The following ELMO1 variants were observed in gnomAD, a reference collection of about 807,000 sequenced individuals.
ELMO1 encodes the protein engulfment and cell motility 1.
Under a neutral mutation model 98.9 loss-of-function variants are expected in ELMO1, and 26 were observed. The observed-to-expected ratio is 0.26, with a 90% CI of 0.19 to 0.36. ELMO1 has a LOEUF of 0.36. Ranked by LOEUF, ELMO1 falls within the 10% of genes least tolerant of loss-of-function variation. ELMO1 has a pLI of 1.00. For missense variants in ELMO1, 627 were observed against 935.2 expected (o/e 0.67, Z 4.30); for synonymous variants, 346 against 346.0 (o/e 1.00, Z 0.00).
intron 4 of ELMO1, among the ~76,000 whole-genome samples, chr7:37,312,574 C>A (rs1562603997): frequency 6.6e-6 from 1 of 152,186 alleles, no homozygotes. Context: ...CCAAGTCCCA[C>A]TCACTCTGAG....
intron 6 of ELMO1, among the ~76,000 whole-genome samples, chr7:37,257,243 C>A (rs1310723489): frequency 6.6e-6 from 1 of 152,226 alleles, no homozygotes; most frequent in Non-Finnish European, 1.5e-5. Context: ...CATGATGGAA[C>A]TCCAACTCCC....
chr7:36,894,667 C>A (rs1805843367), intron 17 of ELMO1, among the ~76,000 whole-genome samples, 187 bp downstream of exon 17: 1 of 152,204 alleles, frequency 6.6e-6, no homozygotes, highest in African/African-American at 2.4e-5. Context: ...CTGGCCCACT[C>A]CACTCAGCCC....
At chr7:37,064,838 A>G (rs531036513) in intron 15 of ELMO1, among the ~76,000 whole-genome samples, 2 of 152,182 alleles carry the variant, frequency 1.3e-5, no homozygotes, top group East Asian at 1.9e-4. Flanking sequence ...ATCTGTATTC[A>G]GATATGCTCA....
chr7:37,068,640 T>C (rs1221507370), intron 15 of ELMO1, among the ~76,000 whole-genome samples: 4 of 152,192 alleles, frequency 2.6e-5, no homozygotes, highest in African/African-American at 9.7e-5. Flanking sequence ...CTCAGACTTA[T>C]ATAACTGAGA....
intron 16 of ELMO1, among the ~76,000 whole-genome samples, chr7:36,896,214 A>G (rs762977609): frequency 6.6e-6 from 1 of 152,224 alleles, no homozygotes; most frequent in Non-Finnish European, 1.5e-5. Context: ...AGGTGCTAGT[A>G]TCACTATGTA....
intron 2 of ELMO1, among the ~76,000 whole-genome samples, chr7:37,333,102 C>G (rs1800221743): frequency 6.6e-6 from 1 of 152,176 alleles, no homozygotes; most frequent in Admixed American, 6.5e-5. Context: ...GAACAAGAAA[C>G]TAGAAAAGCA....
intron 4 of ELMO1, among the ~76,000 whole-genome samples, chr7:37,293,516 G>A (rs1797863073): frequency 9.5e-6 from 1 of 105,634 alleles, no homozygotes; most frequent in Non-Finnish European, 2.2e-5. Context: ...GATGCTTGAA[G>A]GCAGCATGCT....
intron 1 of ELMO1, among the ~76,000 whole-genome samples, chr7:37,387,906 A>C (rs563421812): frequency 6.6e-6 from 1 of 152,244 alleles, no homozygotes; most frequent in East Asian, 1.9e-4. Context: ...ATCACAGCAC[A>C]CTGCAGCCTT....
chr7:37,293,022 C>G lies in ELMO1; in HGVS notation c.193-21140G>C, dbSNP rs1260108753. On this transcript the variant is annotated intron_variant, in intron 4 of 21. Coordinates refer to ENST00000310758, the MANE Select transcript of ELMO1 (RefSeq NM_014800.11). ...GTGAGGAGCCACTCTGCCCAGCCAG[C>G]CGCCCCGTCCGGGAGGGAGGTGGGG... Among the ~76,000 whole-genome samples the G allele has an allele frequency of 1.4e-4, 8 of 56,504 alleles. 2 individuals are homozygous for G. The highest frequency in any genetic ancestry group is 4.1e-4 in the African/African-American group (8 of 19,678). The allele number at this position is 56,504 out of a possible 152,430, so 37.1% of individuals were successfully genotyped here. A position where few individuals can be genotyped will look rare whatever the true frequency, so the allele number is the denominator to read the frequency against.
At chr7:37,050,460 T>C (rs1796039332) in intron 15 of ELMO1, among the ~76,000 whole-genome samples, 1 of 152,130 alleles carries the variant, frequency 6.6e-6, no homozygotes, top group Non-Finnish European at 1.5e-5. Context: ...GAATTAGCCA[T>C]TCCCCTGCTA....
chr7:36,901,826 G>T (rs144069660), intron 16 of ELMO1, among the ~76,000 whole-genome samples: 417 of 152,252 alleles, frequency 2.7e-3, no homozygotes, highest in African/African-American at 9.4e-3. Flanking sequence ...CTCGCAGCTT[G>T]CAAACAACTT....
chr7:37,221,483 T>C (rs565491848), intron 10 of ELMO1, among the ~76,000 whole-genome samples: 1 of 152,274 alleles, frequency 6.6e-6, no homozygotes, highest in African/African-American at 2.4e-5. Flanking sequence ...AAGGAAATTG[T>C]GACCAGGGTA....
At chr7:37,120,003 C>T (rs1351710938) in intron 14 of ELMO1, among the ~76,000 whole-genome samples, 1 of 152,100 alleles carries the variant, frequency 6.6e-6, no homozygotes, top group Non-Finnish European at 1.5e-5. Context: ...AAAAGAATTG[C>T]CAGATATGTA....
chr7:37,391,652 T>C lies in ELMO1; in HGVS notation c.-73-48889A>G, dbSNP rs541919135. 8.5e-5 allele frequency among the ~76,000 whole-genome samples: 13 copies of C among 152,334 alleles called. No homozygotes were observed. The East Asian group carries it at 2.3e-3, about 27-fold the overall frequency. ...ACCTTCATGGTGGGTCTCTAGCCAC[T>C]GAGCCATCCAGAGACCCCAGTTGGG... On this transcript the variant is annotated intron_variant, in intron 1 of 21. Transcript: ENST00000310758.
chr7:37,115,485 A>T (rs988295467), intron 14 of ELMO1, among the ~76,000 whole-genome samples: 3 of 152,214 alleles, frequency 2.0e-5, no homozygotes, highest in African/African-American at 7.2e-5. Flanking sequence ...AACAGGCTAA[A>T]GAAGAAAAGT....
chr7:36,870,304 G>T lies in ELMO1; in HGVS notation c.1905+89C>A. 3 of 1,140,030 alleles carry T rather than the reference G, an allele frequency of 2.6e-6. No individual in the cohort carries two copies. Among genetic ancestry groups the T allele is most frequent in the South Asian group, 2.6e-5 (2 of 76,242 alleles). The allele number at this position is 1,140,030 out of a possible 1,614,324, so 70.6% of individuals were successfully genotyped here. A position where few individuals can be genotyped will look rare whatever the true frequency, so the allele number is the denominator to read the frequency against. On this transcript the variant is annotated intron_variant, in intron 20 of 21. Coordinates refer to ENST00000310758, the MANE Select transcript of ELMO1 (RefSeq NM_014800.11). The surrounding 1 kb of genome is among the most constrained non-coding windows in gnomAD (Gnocchi z 4.4). ...TGTGTCTGAACACACGCACACACAC[G>T]AACACTGCTATAAAGGAGGGCTAGG...
intron 1 of ELMO1, among the ~76,000 whole-genome samples, chr7:37,367,367 C>G (rs117777133): frequency 0.03 from 4,543 of 152,306 alleles, 112 homozygotes; most frequent in Non-Finnish European, 0.045. Context: ...GTCCTAATTC[C>G]ACTCTGGAGT....
chr7:37,413,647 T>TCAGGAAAACA (rs920961423), intron 1 of ELMO1, among the ~76,000 whole-genome samples: 1 of 152,114 alleles, frequency 6.6e-6, no homozygotes, highest in African/African-American at 2.4e-5. Flanking sequence ...AGCATGTCAC[T>TCAGGAAAACA]CAGGAAAACA....
At chr7:37,100,813 C>T (rs191766132) in intron 14 of ELMO1, among the ~76,000 whole-genome samples, 40 of 152,356 alleles carry the variant, frequency 2.6e-4, no homozygotes, top group Non-Finnish European at 2.1e-4. Flanking sequence ...AGAGGGGACA[C>T]AAAGCAGCTA....
Sources: gnomAD v4.1 joint callset for allele counts (sites outside exome capture counted in the v4.1 genomes callset) on GRCh38, gnomAD v4.1.1 for gene constraint, Gnocchi (gnomAD v3.1) non-coding constraint, MANE v1.5 for transcripts, NCBI Gene and HGNC (gene_info 2026-07-23, HGNC 2026-07-21) for gene names.